Variants in NBEA observed in about 807,000 individuals in gnomAD.
NBEA encodes neurobeachin.
NBEA carries 44 observed loss-of-function variants against 343.4 expected under a neutral mutation model. The ratio of observed to expected loss-of-function variants is 0.13; its 90% CI spans 0.10 to 0.16. The LOEUF (loss-of-function observed/expected upper bound fraction) is 0.16, where lower values mean the gene tolerates loss of function less well. Among genes scored for constraint, NBEA ranks in the 10% least tolerant of loss-of-function variants. NBEA has a pLI of 1.00. For synonymous variants in NBEA, 1,175 were observed against 1,238.7 expected (o/e 0.95, Z 1.08); for missense variants, 2,555 against 3,631.3 (o/e 0.70, Z 7.62).
intron 12 of NBEA, among the ~76,000 whole-genome samples, chr13:35,110,603 T>G (rs1399222200): frequency 1.3e-5 from 2 of 152,108 alleles, no homozygotes; most frequent in Non-Finnish European, 2.9e-5. Flanking sequence ...CTACCTCTAT[T>G]ATGAGTTTAT....
intron 1 of NBEA, among the ~76,000 whole-genome samples, chr13:35,005,006 A>G (rs1298670175): frequency 6.6e-6 from 1 of 152,088 alleles, no homozygotes; most frequent in Non-Finnish European, 1.5e-5. Context: ...CTTATTTATT[A>G]TATATTATAA....
intron 38 of NBEA, among the ~76,000 whole-genome samples, chr13:35,371,137 G>A (rs1458171590): frequency 1.3e-5 from 2 of 152,060 alleles, no homozygotes; most frequent in African/African-American, 4.8e-5. Context: ...TGAGCTTCCT[G>A]TATCAGGATG....
chr13:35,665,819 G>C (rs907779546), intron 56 of NBEA, among the ~76,000 whole-genome samples: 1 of 152,018 alleles, frequency 6.6e-6, no homozygotes, highest in Non-Finnish European at 1.5e-5. Flanking sequence ...GTAGAGATGG[G>C]GTTTCACCAT....
At chr13:35,085,650 T>A (rs376858147) in intron 10 of NBEA, among the ~76,000 whole-genome samples, 3 of 152,122 alleles carry the variant, frequency 2.0e-5, no homozygotes, top group Admixed American at 2.0e-4. Flanking sequence ...AAAACTGGAA[T>A]CATTCCCTTT....
At chr13:35,533,204 TC>T (rs1165006741) in intron 41 of NBEA, among the ~76,000 whole-genome samples, 2 of 152,184 alleles carry the variant, frequency 1.3e-5, no homozygotes, top group East Asian at 3.8e-4. Context: ...TATAGCATTT[TC>T]ATATAATGTT....
At chr13:34,959,622 A>G (rs1186022935) in intron 1 of NBEA, among the ~76,000 whole-genome samples, 1 of 151,994 alleles carries the variant, frequency 6.6e-6, no homozygotes, top group Non-Finnish European at 1.5e-5. Flanking sequence ...TTTTCTTTTT[A>G]AAAGTACTCA....
At chr13:35,273,364 G>A (rs1402272021) in intron 34 of NBEA, among the ~76,000 whole-genome samples, 1 of 152,086 alleles carries the variant, frequency 6.6e-6, no homozygotes, top group Non-Finnish European at 1.5e-5. Context: ...GTGTGTAGAG[G>A]GAAATTTATA....
chr13:35,093,235 G>T (rs530955705), intron 10 of NBEA, among the ~76,000 whole-genome samples: 93 of 151,404 alleles, frequency 6.1e-4, no homozygotes, highest in African/African-American at 2.1e-3. Flanking sequence ...TTTTTGGTGT[G>T]ATAGAACTGG....
chr13:35,484,264 G>A (rs1566204225), intron 41 of NBEA, among the ~76,000 whole-genome samples: 4 of 135,994 alleles, frequency 2.9e-5, no homozygotes, highest in African/African-American at 1.2e-4. Context: ...GTGTGTGTGT[G>A]TGTGTGTGTG....
At chr13:35,220,288 A>T (rs902915287) in intron 33 of NBEA, among the ~76,000 whole-genome samples, 1 of 152,142 alleles carries the variant, frequency 6.6e-6, no homozygotes, top group African/African-American at 2.4e-5. Context: ...TAGCCAAATG[A>T]CTATCATTTT....
chr13:35,473,907 G>A (rs147209693), intron 41 of NBEA, among the ~76,000 whole-genome samples: 13 of 152,166 alleles, frequency 8.5e-5, no homozygotes, highest in Non-Finnish European at 1.6e-4. Context: ...CATCTCTACT[G>A]TCATGATAGA....
intron 29 of NBEA, 71 bp downstream of exon 29, chr13:35,182,599 A>T: frequency 7.2e-7 from 1 of 1,381,660 alleles, no homozygotes; most frequent in Admixed American, 2.3e-5. Context: ...TTACATCTAG[A>T]TTTAAACTGG....
intron 34 of NBEA, among the ~76,000 whole-genome samples, chr13:35,278,084 T>A (rs1413920303): frequency 6.7e-6 from 1 of 148,388 alleles, no homozygotes; most frequent in Non-Finnish European, 1.5e-5. Flanking sequence ...CAAAACTCCA[T>A]CTCAAAAAAT....
chr13:35,388,638 C>T (rs1369001669), intron 38 of NBEA, among the ~76,000 whole-genome samples: 1 of 152,074 alleles, frequency 6.6e-6, no homozygotes, highest in Non-Finnish European at 1.5e-5. Flanking sequence ...CATTTTAGAT[C>T]ATTTTAAGAC....
rs550170839 is a variant in NBEA at position 35,015,116 on chromosome 13, CA to C, written c.295-25815del. 3.1e-3 allele frequency among the ~76,000 whole-genome samples: 274 copies of C among 87,082 alleles called. 2 individuals carry two copies. Among genetic ancestry groups the C allele is most frequent in the Admixed American group, 5.4e-3 (31 of 5,694 alleles). The allele number at this position is 87,082 out of a possible 152,430, so 57.1% of individuals were successfully genotyped here. A position where few individuals can be genotyped will look rare whatever the true frequency, so the allele number is the denominator to read the frequency against. ...TGCCGCCTCCCTTCTCAACAAAAAG[CA>C]ACGAGATCTGAAAAAAAAAAAACAA... On this transcript the variant is annotated intron_variant, in intron 1 of 58. Coordinates refer to ENST00000379939, the MANE Select transcript of NBEA (RefSeq NM_001385012.1).
chr13:35,635,622 C>G (rs74444952), intron 49 of NBEA, among the ~76,000 whole-genome samples: 2,013 of 152,192 alleles, frequency 0.013, 31 homozygotes, highest in Non-Finnish European at 0.016. Flanking sequence ...TACCATGATT[C>G]CTAAAACTAA....
At chr13:35,470,164 TAAAG>T (rs1406895060) in intron 40 of NBEA, among the ~76,000 whole-genome samples, 2 of 152,220 alleles carry the variant, frequency 1.3e-5, no homozygotes, top group Non-Finnish European at 2.9e-5. Context: ...TGGTCTTTCT[TAAAG>T]AAAGACCAGT....
Position 35,064,996 on chromosome 13 carries a change from C to T in NBEA, c.1240-4912C>T, listed in dbSNP as rs370939526. Among the ~76,000 whole-genome samples the T allele has an allele frequency of 6.0e-5, 9 of 150,014 alleles. No individual in the cohort carries two copies. In the East Asian group the frequency reaches 1.6e-3, roughly 26 times the overall value. On this transcript the variant is annotated intron_variant, in intron 8 of 58. Transcript: ENST00000379939. ...CAAGGTCTTATCTGTGTTGTGAGCG[C>T]ACACAGTCACTACATACCATTGACT...
intron 36 of NBEA, among the ~76,000 whole-genome samples, chr13:35,316,612 G>C (rs1566608328): frequency 1.3e-5 from 2 of 152,070 alleles, no homozygotes; most frequent in Non-Finnish European, 2.9e-5. Context: ...ATAATCCTTT[G>C]GGTATATACC....
Sources: gnomAD v4.1 joint callset for allele counts (sites outside exome capture counted in the v4.1 genomes callset) on GRCh38, gnomAD v4.1.1 for gene constraint, MANE v1.5 for transcripts, NCBI Gene and HGNC (gene_info 2026-07-23, HGNC 2026-07-21) for gene names.